The following HS3ST4 variants were observed in gnomAD, a reference collection of about 807,000 sequenced individuals.
HS3ST4 encodes the protein heparan sulfate glucosamine 3-O-sulfotransferase 4.
HS3ST4 carries 17 observed loss-of-function variants against 29.2 expected under a neutral mutation model. The ratio of observed to expected loss-of-function variants is 0.58; its 90% CI spans 0.40 to 0.87. The LOEUF is 0.87. HS3ST4 is among the 40% of genes least tolerant of loss of function. HS3ST4 has a pLI of 0.00. For missense variants in HS3ST4, 627 were observed against 634.5 expected, an observed-to-expected ratio of 0.99 and a Z score of 0.13; for synonymous variants, 314 against 285.7, an observed-to-expected ratio of 1.10 and a Z score of -1.00.
intron 1 of HS3ST4, among the ~76,000 whole-genome samples, chr16:25,968,040 C>T (rs1968860798): frequency 6.6e-6 from 1 of 152,146 alleles, no homozygotes; most frequent in African/African-American, 2.4e-5. Context: ...AGGGATTATT[C>T]TCTCAGTGAT....
At chr16:25,765,988 G>T (rs1239904438) in intron 1 of HS3ST4, among the ~76,000 whole-genome samples, 1 of 152,118 alleles carries the variant, frequency 6.6e-6, no homozygotes, top group Non-Finnish European at 1.5e-5. Context: ...GGTCCCAGAA[G>T]AGCACAGTGC....
intron 1 of HS3ST4, among the ~76,000 whole-genome samples, chr16:26,096,753 A>C (rs1397911609): frequency 2.0e-5 from 3 of 152,232 alleles, no homozygotes; most frequent in African/African-American, 7.2e-5. Flanking sequence ...CAGGGCAATC[A>C]GGCAAGAGAA....
At position 26,115,252 on chromosome 16, in the gene HS3ST4, T is replaced by TATATATATATAC. The variant is rs1440481473; in HGVS notation, c.735-20355_735-20354insTATATACATATA. Among the ~76,000 whole-genome samples, 26 of 146,698 alleles carry TATATATATATAC rather than the reference T, an allele frequency of 1.8e-4. No individual in the cohort carries two copies. In the South Asian group the frequency reaches 2.6e-3, roughly 15 times the overall value. ...ATATGTGTGTATGTGTGTGTATATA[T>TATATATATATAC]ATATACATATATATACACACACACA... is the stretch of plus-strand genomic sequence containing the variant. On this transcript the variant is annotated intron_variant, in intron 1 of 1. Transcript: ENST00000331351.
chr16:25,784,946 T>G (rs1010320593), intron 1 of HS3ST4, among the ~76,000 whole-genome samples: 4 of 152,192 alleles, frequency 2.6e-5, no homozygotes, highest in African/African-American at 7.2e-5. Flanking sequence ...AGGCTAACTT[T>G]TGTTAGGAAG....
At chr16:25,927,392 G>A (rs1435734260) in intron 1 of HS3ST4, among the ~76,000 whole-genome samples, 1 of 152,208 alleles carries the variant, frequency 6.6e-6, no homozygotes, top group African/African-American at 2.4e-5. Flanking sequence ...TCAGACACTG[G>A]CAGAAATGAG....
intron 1 of HS3ST4, among the ~76,000 whole-genome samples, chr16:25,831,539 T>G (rs2141639811): frequency 6.6e-6 from 1 of 151,938 alleles, no homozygotes; most frequent in East Asian, 1.9e-4. Context: ...TGCAATGAAC[T>G]ATGACCATGC....
At chr16:25,850,218 T>A (rs952045172) in intron 1 of HS3ST4, among the ~76,000 whole-genome samples, 1 of 151,956 alleles carries the variant, frequency 6.6e-6, no homozygotes. Flanking sequence ...AGGCTGGTCT[T>A]GAACCCTGAT....
chr16:25,825,843 C>G (rs975974533), intron 1 of HS3ST4: 7 of 152,204 alleles, frequency 4.6e-5, no homozygotes, highest in Admixed American at 1.3e-4. Flanking sequence ...GAGGCCCATA[C>G]TTTGATGTTT....
At position 25,828,242 on chromosome 16, in the gene HS3ST4, C is replaced by CTTTTTCTGTCTGTCTT. The variant is rs1371928058; in HGVS notation, c.734+135092_734+135093insTTTTCTGTCTGTCTTT. The stretch of plus-strand genomic sequence containing the variant: ...CTTTCCTTTCTTTCTTTCTTTCTTT[C>CTTTTTCTGTCTGTCTT]TCTTTCTTTCTTTCTTTCTTTCTTT... On this transcript the variant is annotated intron_variant, in intron 1 of 1. Coordinates refer to ENST00000331351, the MANE Select transcript of HS3ST4 (RefSeq NM_006040.3). 7.1e-4 allele frequency among the ~76,000 whole-genome samples: 53 copies of CTTTTTCTGTCTGTCTT among 75,032 alleles called. 4 individuals carry two copies. Among genetic ancestry groups the CTTTTTCTGTCTGTCTT allele is most frequent in the African/African-American group, 2.8e-3 (49 of 17,286 alleles). 49.2% of individuals were successfully genotyped at this position (75,032 alleles called of 152,430 possible).
intron 1 of HS3ST4, among the ~76,000 whole-genome samples, chr16:25,998,965 CT>C (rs1220470838): frequency 6.6e-6 from 1 of 152,102 alleles, no homozygotes; most frequent in Non-Finnish European, 1.5e-5. Context: ...ATAGAATTCA[CT>C]TCTGAAGCTT....
intron 1 of HS3ST4, among the ~76,000 whole-genome samples, chr16:26,037,192 G>A (rs1423738195): frequency 3.3e-5 from 5 of 152,154 alleles, no homozygotes; most frequent in Non-Finnish European, 7.3e-5. Context: ...ACCTTAAGAG[G>A]TCTCCACTCT....
chr16:25,738,827 C>G (rs1473719858), intron 1 of HS3ST4, among the ~76,000 whole-genome samples: 1 of 152,170 alleles, frequency 6.6e-6, no homozygotes, highest in East Asian at 1.9e-4. Context: ...GAACCATACT[C>G]TCTGATTACT....
At chr16:25,791,156 G>A (rs74810629) in intron 1 of HS3ST4, among the ~76,000 whole-genome samples, 5,393 of 151,742 alleles carry the variant, frequency 0.036, 207 homozygotes, top group East Asian at 0.23. Flanking sequence ...CACTTTCCCC[G>A]CATTGCAGTA....
chr16:26,054,958 G>A (rs1424857856), intron 1 of HS3ST4, among the ~76,000 whole-genome samples: 1 of 151,980 alleles, frequency 6.6e-6, no homozygotes, highest in Non-Finnish European at 1.5e-5. Flanking sequence ...TGAAGTCATG[G>A]GCATTTCCAA....
At chr16:25,723,861 C>A (rs1422365026) in intron 1 of HS3ST4, among the ~76,000 whole-genome samples, 1 of 152,142 alleles carries the variant, frequency 6.6e-6, no homozygotes, top group Non-Finnish European at 1.5e-5. Context: ...CGCCTGTAAT[C>A]CCAGCACTTT....
At chr16:25,721,810 T>G (rs189366688) in intron 1 of HS3ST4, among the ~76,000 whole-genome samples, 47 of 152,322 alleles carry the variant, frequency 3.1e-4, no homozygotes, top group African/African-American at 1.1e-3. Flanking sequence ...CATTTTATAG[T>G]TTCTGCCTAA....
intron 1 of HS3ST4, among the ~76,000 whole-genome samples, chr16:25,796,097 G>A (rs1220947764): frequency 6.6e-6 from 1 of 152,068 alleles, no homozygotes; most frequent in African/African-American, 2.4e-5. Context: ...TCAAGCCCTT[G>A]CTAATTAGGC....
chr16:25,949,654 G>T (rs1968664094), intron 1 of HS3ST4, among the ~76,000 whole-genome samples: 1 of 152,128 alleles, frequency 6.6e-6, no homozygotes, highest in South Asian at 2.1e-4. Flanking sequence ...GCAAGGTGAG[G>T]GGTCAGTGAA....
At chr16:25,997,312 T>A (rs1969166492) in intron 1 of HS3ST4, among the ~76,000 whole-genome samples, 1 of 152,218 alleles carries the variant, frequency 6.6e-6, no homozygotes. Flanking sequence ...GCTGTCAGGA[T>A]CCCCATGTGT....
Sources: allele counts gnomAD v4.1 joint callset (sites outside exome capture counted in the v4.1 genomes callset), GRCh38; gene constraint gnomAD v4.1.1; transcripts MANE v1.5; gene names NCBI Gene and HGNC (gene_info 2026-07-23, HGNC 2026-07-21).